Variants in FHDC1 observed in about 807,000 individuals in gnomAD.
The protein encoded by FHDC1 is FH2 domain containing 1, also known as FH2 domain-containing protein 1.
A neutral mutation model predicts 52.6 loss-of-function variants in FHDC1; 25 were observed. The observed-to-expected ratio is 0.48, with a 90% CI of 0.35 to 0.66. The LOEUF (loss-of-function observed/expected upper bound fraction) is 0.66. Among genes scored for constraint, FHDC1 ranks in the 30% least tolerant of loss-of-function variants. The pLI is 0.01. For missense variants in FHDC1, 1,459 were observed against 1,452.8 expected (o/e 1.00, Z -0.07); for synonymous variants, 616 against 581.5 (o/e 1.06, Z -0.85).
chr4:152,937,937 T>G (rs1356392287), intron 1 of FHDC1, among the ~76,000 whole-genome samples: 1 of 152,110 alleles, frequency 6.6e-6, no homozygotes, highest in Non-Finnish European at 1.5e-5. Context: ...GTAAGGAGGC[T>G]GCGGACAGCT....
rs573487679 is a variant in FHDC1 at position 152,975,769 on chromosome 4, C to T, written c.2478C>T (p.Ser826=). ...GCCAAGTCTCCTCCAACCCTACATC[C>T]AGCCCCCCTGGGGAGGCTCCTGCCC... ...GDSQVSSNPT[S]SPPGEAPAPV... Residue 826 remains serine (S), a synonymous_variant, in exon 12 of 12, where the codon TCC becomes TCT. Coordinates refer to ENST00000511601, the MANE Select transcript of FHDC1 (RefSeq NM_001371116.1). 6.4e-7 allele frequency: 1 copy of T among 1,563,112 alleles called. No homozygotes were observed. The highest frequency in any genetic ancestry group is 2.3e-5 in the East Asian group (1 of 44,340).
chr4:152,933,354 C>T (rs1171888394), upstream of FHDC1, among the ~76,000 whole-genome samples: 1 of 152,170 alleles, frequency 6.6e-6, no homozygotes, highest in Non-Finnish European at 1.5e-5. Flanking sequence ...TAGATCCAAT[C>T]CATCAAGATA....
the FHDC1 span, among the ~76,000 whole-genome samples, chr4:152,921,593 C>G: frequency 7.2e-6 from 1 of 138,850 alleles, no homozygotes; most frequent in Non-Finnish European, 1.6e-5. Context: ...TTCCTCCCTC[C>G]CTCCCTCCCT....
chr4:152,918,218 C>T, the FHDC1 span, among the ~76,000 whole-genome samples: 1 of 152,188 alleles, frequency 6.6e-6, no homozygotes, highest in African/African-American at 2.4e-5. Context: ...CAGTCCAAGC[C>T]ACTCCAGACT....
intron 11 of FHDC1, among the ~76,000 whole-genome samples, chr4:152,972,913 A>G (rs969228297): frequency 4.6e-5 from 7 of 152,196 alleles, no homozygotes; most frequent in African/African-American, 7.2e-5. Context: ...CCAGAAGAGA[A>G]CGTCCTCTTC....
At chr4:152,962,752 G>A in intron 6 of FHDC1, 62 bp from the exon 7 acceptor site, 1 of 1,373,740 alleles carries the variant, frequency 7.3e-7, no homozygotes, top group Non-Finnish European at 1.0e-6. Context: ...TGTGGTAGCT[G>A]TCTTTTGTGC....
chr4:152,978,393 C>A lies in FHDC1; in HGVS notation c.*1670C>A, dbSNP rs1045259937. The A allele has an allele frequency of 3.5e-4, 53 of 152,178 alleles. 1 individual carries two copies. The highest frequency in any genetic ancestry group is 1.2e-3 in the African/African-American group (49 of 41,432). The allele number at this position is 152,178 out of a possible 1,614,324, so 9.4% of individuals were successfully genotyped here. ...TAATAATAGTTTTTAACGTGGACAT[C>A]TCTTCCTTGGTACAGTGGTTTTTAA... is the stretch of plus-strand genomic sequence containing the variant. On this transcript the variant is annotated 3_prime_UTR_variant, in exon 12 of 12. Coordinates refer to ENST00000511601, the MANE Select transcript of FHDC1 (RefSeq NM_001371116.1).
intron 9 of FHDC1, among the ~76,000 whole-genome samples, chr4:152,967,036 C>T (rs770973967): frequency 5.3e-5 from 8 of 152,144 alleles, no homozygotes; most frequent in African/African-American, 1.4e-4. Flanking sequence ...GAGAGGATCA[C>T]CTGAGCCCAG....
chr4:152,914,772 G>A, the FHDC1 span, among the ~76,000 whole-genome samples: 3 of 152,116 alleles, frequency 2.0e-5, no homozygotes, highest in African/African-American at 7.2e-5. Context: ...TAACTTACAG[G>A]TGAAATGTAC....
chr4:152,944,707 G>A (rs1349117987), intron 2 of FHDC1, among the ~76,000 whole-genome samples: 1 of 152,164 alleles, frequency 6.6e-6, no homozygotes, highest in African/African-American at 2.4e-5. Context: ...AAAACACTGG[G>A]GTTAGAATTC....
upstream of FHDC1, among the ~76,000 whole-genome samples, chr4:152,935,717 T>A (rs1434291344): frequency 2.0e-5 from 3 of 152,182 alleles, no homozygotes; most frequent in South Asian, 6.2e-4. Context: ...GCAGCCAGGT[T>A]TCAGCTGTAG....
At chr4:152,939,328 G>T (rs1248304299) in intron 1 of FHDC1, among the ~76,000 whole-genome samples, 2 of 152,066 alleles carry the variant, frequency 1.3e-5, no homozygotes, top group African/African-American at 4.8e-5. Flanking sequence ...GTAGAGACGG[G>T]TTTCACCATG....
chr4:152,976,123 C>G lies in FHDC1; in HGVS notation c.2832C>G (p.Ser944=), dbSNP rs140325598. ...ATACTGTGTGGTCACGCCAGAACTC[C>G]GTGCGGAGGGCCTCCACAGGCGCCG... ...STDTVWSRQN[S]VRRASTGAEE... Residue 944 remains serine, a synonymous_variant, in exon 12 of 12, where the codon TCC becomes TCG. Coordinates refer to ENST00000511601, the MANE Select transcript of FHDC1 (RefSeq NM_001371116.1). 3.7e-6 allele frequency: 6 copies of G among 1,611,022 alleles called. No individual in the cohort carries two copies. Among genetic ancestry groups the G allele is most frequent in the Non-Finnish European group, 5.1e-6 (6 of 1,179,018 alleles).
At chr4:152,918,180 G>A in the FHDC1 span, among the ~76,000 whole-genome samples, 1 of 152,198 alleles carries the variant, frequency 6.6e-6, no homozygotes, top group Admixed American at 6.5e-5. Flanking sequence ...ATGAAAACAA[G>A]TCTTTTTTCC....
chr4:152,920,332 A>G, the FHDC1 span, among the ~76,000 whole-genome samples: 2 of 152,212 alleles, frequency 1.3e-5, no homozygotes, highest in Non-Finnish European at 2.9e-5. Flanking sequence ...ACACACACAC[A>G]TAAAATGTGT....
intron 8 of FHDC1, among the ~76,000 whole-genome samples, 193 bp downstream of exon 8, chr4:152,963,323 G>T (rs1304389784): frequency 6.6e-6 from 1 of 152,202 alleles, no homozygotes; most frequent in South Asian, 2.1e-4. Flanking sequence ...GGGCTGAAGG[G>T]AAGTGGGAGA....
At chr4:152,968,886 G>A (rs1013488419) in intron 10 of FHDC1, among the ~76,000 whole-genome samples, 9 of 152,104 alleles carry the variant, frequency 5.9e-5, no homozygotes, top group Non-Finnish European at 1.3e-4. Context: ...AACAAGCTGC[G>A]TTTTGGCATG....
intron 4 of FHDC1, 48 bp downstream of exon 4, chr4:152,954,367 A>G: frequency 6.6e-7 from 1 of 1,504,902 alleles, no homozygotes; most frequent in Non-Finnish European, 9.2e-7. Flanking sequence ...TGATCATAAA[A>G]GCTTAATATT....
the FHDC1 span, chr4:152,911,707 A>C: frequency 6.6e-6 from 1 of 152,600 alleles, no homozygotes; most frequent in Admixed American, 6.5e-5. Flanking sequence ...TTTTTAATTA[A>C]TATGCCTGTT....
Sources: allele counts gnomAD v4.1 joint callset (sites outside exome capture counted in the v4.1 genomes callset), GRCh38; gene constraint gnomAD v4.1.1; transcripts MANE v1.5; gene names NCBI Gene and HGNC (gene_info 2026-07-23, HGNC 2026-07-21).